The following LRRC4C variants were observed in gnomAD, a reference collection of about 807,000 sequenced individuals.
LRRC4C encodes the protein leucine-rich repeat-containing protein 4C.
LRRC4C carries 5 observed loss-of-function variants against 33.6 expected under a neutral mutation model. The ratio of observed to expected loss-of-function variants is 0.15; its 90% CI spans 0.08 to 0.31. The LOEUF (loss-of-function observed/expected upper bound fraction) is 0.31, where lower values mean the gene tolerates loss of function less well. Among genes scored for constraint, LRRC4C ranks in the 10% least tolerant of loss-of-function variants. The pLI, the probability that LRRC4C is intolerant of heterozygous loss-of-function variation, is 1.00. For missense variants in LRRC4C, 560 were observed against 796.7 expected (o/e 0.70, Z 3.58); for synonymous variants, 329 against 302.0 (o/e 1.09, Z -0.93).
chr11:40,927,507 G>A lies in LRRC4C; in HGVS notation c.-407+6128C>T, dbSNP rs530973231. On this transcript the variant is annotated intron_variant, in intron 2 of 6. Transcript: ENST00000528697. Reference sequence around the variant, plus strand: ...AATAAACCCTACAGATTCTTTCTGAGTTGCCAAGAAAGACACCTTGAGTAC... The same window carrying A: ...AATAAACCCTACAGATTCTTTCTGAATTGCCAAGAAAGACACCTTGAGTAC... 5.3e-5 allele frequency among the ~76,000 whole-genome samples: 8 copies of A among 152,168 alleles called. No homozygotes were observed. In the South Asian group the frequency reaches 1.7e-3, roughly 32 times the overall value.
intron 1 of LRRC4C, among the ~76,000 whole-genome samples, chr11:41,108,080 T>A (rs1941618790): frequency 6.6e-6 from 1 of 152,178 alleles, no homozygotes; most frequent in South Asian, 2.1e-4. Context: ...CAACATAACA[T>A]GTTAATAAAA....
At chr11:41,365,083 G>A (rs967131233) in intron 1 of LRRC4C, among the ~76,000 whole-genome samples, 1 of 152,124 alleles carries the variant, frequency 6.6e-6, no homozygotes, top group African/African-American at 2.4e-5. Context: ...GGGCTGCAAA[G>A]CAGGAGCTGA....
chr11:40,792,329 G>T (rs187646711), intron 2 of LRRC4C, among the ~76,000 whole-genome samples: 264 of 151,912 alleles, frequency 1.7e-3, no homozygotes, highest in African/African-American at 6.3e-3. Context: ...AGTTTTGAAA[G>T]GTGAGAAGAC....
intron 1 of LRRC4C, among the ~76,000 whole-genome samples, chr11:41,173,959 A>G (rs1202729457): frequency 1.3e-5 from 2 of 152,134 alleles, no homozygotes; most frequent in Non-Finnish European, 2.9e-5. Flanking sequence ...CAGAAATCAC[A>G]AGCTTCTGCA....
intron 3 of LRRC4C, among the ~76,000 whole-genome samples, chr11:40,345,865 C>T (rs1947104401): frequency 7.4e-6 from 1 of 135,084 alleles, no homozygotes; most frequent in African/African-American, 2.6e-5. Flanking sequence ...AAAAACCAAA[C>T]AACACCATTA....
chr11:40,991,204 T>TAAAAAAAAAAAAAAAAAAAAAAAA (rs1186155913), intron 1 of LRRC4C, among the ~76,000 whole-genome samples: 1 of 103,340 alleles, frequency 9.7e-6, no homozygotes, highest in Non-Finnish European at 1.9e-5. Flanking sequence ...TCCCAATATG[T>TAAAAAAAAAAAAAAAAAAAAAAAA]AAAAAAAAAA....
At chr11:41,091,445 G>A (rs1390369814) in intron 1 of LRRC4C, among the ~76,000 whole-genome samples, 1 of 151,898 alleles carries the variant, frequency 6.6e-6, no homozygotes, top group Admixed American at 6.6e-5. Flanking sequence ...CAGACAAGGA[G>A]TAGACAAAAC....
intron 2 of LRRC4C, among the ~76,000 whole-genome samples, chr11:40,780,610 T>C (rs182728007): frequency 8.9e-4 from 136 of 152,238 alleles, no homozygotes; most frequent in Non-Finnish European, 1.8e-3. Flanking sequence ...TTTTTAAATA[T>C]GTAAAATAGA....
At chr11:41,153,427 C>A (rs574098390) in intron 1 of LRRC4C, among the ~76,000 whole-genome samples, 2 of 152,086 alleles carry the variant, frequency 1.3e-5, no homozygotes, top group Admixed American at 1.3e-4. Context: ...CATTGAAAGC[C>A]CAAATCAGAG....
chr11:41,165,511 T>A (rs1944680600), intron 1 of LRRC4C, among the ~76,000 whole-genome samples: 1 of 152,060 alleles, frequency 6.6e-6, no homozygotes, highest in Non-Finnish European at 1.5e-5. Context: ...ATAGATGAGG[T>A]AAAAATTACT....
chr11:41,077,067 G>T (rs942413399), intron 1 of LRRC4C, among the ~76,000 whole-genome samples: 20 of 152,202 alleles, frequency 1.3e-4, no homozygotes, highest in African/African-American at 4.1e-4. Flanking sequence ...TATGCAAGGG[G>T]TGGGCTCACA....
intron 3 of LRRC4C, among the ~76,000 whole-genome samples, chr11:40,344,740 T>C (rs542009637): frequency 6.6e-6 from 1 of 152,292 alleles, no homozygotes; most frequent in South Asian, 2.1e-4. Context: ...AATATAATTC[T>C]ATACTTACAA....
At chr11:41,270,259 C>A (rs1591116317) in intron 1 of LRRC4C, among the ~76,000 whole-genome samples, 1 of 152,140 alleles carries the variant, frequency 6.6e-6, no homozygotes, top group East Asian at 1.9e-4. Context: ...TGCACGTATC[C>A]CATTAGTAAT....
intron 1 of LRRC4C, among the ~76,000 whole-genome samples, chr11:41,204,093 A>G (rs1413012889): frequency 6.6e-6 from 1 of 152,160 alleles, no homozygotes; most frequent in Admixed American, 6.5e-5. Context: ...TGAGTGTCCA[A>G]CTGGTGGAGA....
At chr11:40,177,731 T>C (rs545630592) in intron 5 of LRRC4C, among the ~76,000 whole-genome samples, 4 of 152,350 alleles carry the variant, frequency 2.6e-5, no homozygotes, top group Non-Finnish European at 4.4e-5. Context: ...GTTGTTATTA[T>C]ACAGCACTTG....
chr11:41,272,047 C>G (rs1193253503), intron 1 of LRRC4C, among the ~76,000 whole-genome samples: 2 of 152,102 alleles, frequency 1.3e-5, no homozygotes, highest in African/African-American at 4.8e-5. Context: ...CTTCAGGGCC[C>G]ACATTCTTTC....
intron 3 of LRRC4C, among the ~76,000 whole-genome samples, chr11:40,347,418 G>A (rs1338734369): frequency 1.3e-5 from 2 of 152,072 alleles, no homozygotes; most frequent in African/African-American, 4.8e-5. Context: ...ATTGGCAACA[G>A]GCTGTTTTGC....
At chr11:40,547,009 T>C (rs1011238834) in intron 3 of LRRC4C, among the ~76,000 whole-genome samples, 3 of 152,168 alleles carry the variant, frequency 2.0e-5, no homozygotes. Context: ...AGTATTGAAA[T>C]AATAGATTTT....
intron 3 of LRRC4C, among the ~76,000 whole-genome samples, chr11:40,359,931 T>C (rs779921444): frequency 1.1e-4 from 16 of 152,158 alleles, no homozygotes; most frequent in Non-Finnish European, 2.2e-4. Context: ...AATCCACACC[T>C]CATCCCTACC....
Sources: allele counts gnomAD v4.1 joint callset (sites outside exome capture counted in the v4.1 genomes callset), GRCh38; gene constraint gnomAD v4.1.1; transcripts MANE v1.5; gene names NCBI Gene and HGNC (gene_info 2026-07-23, HGNC 2026-07-21).